The following LRRC37A2 variants were observed in gnomAD, a reference collection of about 807,000 sequenced individuals.
LRRC37A2 encodes leucine rich repeat containing 37 member A2.
In LRRC37A2, 9 loss-of-function variants were observed where a neutral mutation model predicts 68.8. The observed-to-expected ratio is 0.13, with a 90% CI of 0.08 to 0.23. The LOEUF (loss-of-function observed/expected upper bound fraction) is 0.23, where lower values mean the gene tolerates loss of function less well. Ranked by LOEUF, LRRC37A2 falls within the 10% of genes least tolerant of loss-of-function variation. LRRC37A2 has a pLI of 1.00. For synonymous variants in LRRC37A2, 63 were observed against 367.6 expected (o/e 0.17, Z 9.48); for missense variants, 168 against 950.4 (o/e 0.18, Z 10.82).
the LRRC37A2 span, among the ~76,000 whole-genome samples, chr17:46,982,681 C>T: frequency 6.6e-6 from 1 of 152,226 alleles, no homozygotes; most frequent in African/African-American, 2.4e-5. Flanking sequence ...TCTCTCCCAT[C>T]ATCCCTGGGG....
chr17:46,731,581 G>A, the LRRC37A2 span, among the ~76,000 whole-genome samples: 4 of 152,142 alleles, frequency 2.6e-5, no homozygotes, highest in African/African-American at 9.7e-5. Context: ...GAAGTGAGGG[G>A]TGAGCATCCA....
chr17:47,007,812 A>T, the LRRC37A2 span: 1 of 152,252 alleles, frequency 6.6e-6, no homozygotes, highest in South Asian at 2.1e-4. Context: ...AAATAATAAT[A>T]AAGCGAGATA....
the LRRC37A2 span, among the ~76,000 whole-genome samples, chr17:46,775,131 G>T: frequency 1.2e-3 from 180 of 152,336 alleles, no homozygotes; most frequent in African/African-American, 4.3e-3. Context: ...ACACAGGGCC[G>T]AGCCAAACAT....
chr17:46,735,353 A>G, the LRRC37A2 span, among the ~76,000 whole-genome samples: 1 of 152,130 alleles, frequency 6.6e-6, no homozygotes, highest in Non-Finnish European at 1.5e-5. Flanking sequence ...CTGTGGCATT[A>G]CATTAGCTTT....
the LRRC37A2 span, among the ~76,000 whole-genome samples, chr17:47,008,393 G>A: frequency 1.3e-5 from 2 of 151,844 alleles, no homozygotes; most frequent in East Asian, 3.9e-4. Flanking sequence ...TTACAGGTGT[G>A]AGCCACCACG....
chr17:46,750,118 C>T, the LRRC37A2 span, among the ~76,000 whole-genome samples: 6 of 152,222 alleles, frequency 3.9e-5, no homozygotes, highest in Middle Eastern at 3.4e-3. Context: ...TTTGGGAGGA[C>T]GGGGCAGGTG....
At chr17:47,022,163 G>GTTTTTTTTTTTTTT in the LRRC37A2 span, among the ~76,000 whole-genome samples, 1 of 19,364 alleles carries the variant, frequency 5.2e-5, no homozygotes. Flanking sequence ...ATTCCTTTTT[G>GTTTTTTTTTTTTTT]TTCTCTTTTT....
the LRRC37A2 span, among the ~76,000 whole-genome samples, chr17:46,945,115 G>T: frequency 6.6e-6 from 1 of 152,222 alleles, no homozygotes; most frequent in East Asian, 1.9e-4. Flanking sequence ...GAGGTGATGG[G>T]TGTGTGAAGG....
chr17:46,935,241 T>C, the LRRC37A2 span: 1 of 1,608,952 alleles, frequency 6.2e-7, no homozygotes, highest in Non-Finnish European at 8.5e-7. Flanking sequence ...GTAACTGTGT[T>C]TATATTTTGA....
At chr17:46,755,760 G>A in the LRRC37A2 span, 4 of 1,560,522 alleles carry the variant, frequency 2.6e-6, no homozygotes, top group East Asian at 9.0e-5. Flanking sequence ...GTTTTTTACG[G>A]ACCCTCATCT....
chr17:46,760,377 T>C, the LRRC37A2 span, among the ~76,000 whole-genome samples: 26 of 151,898 alleles, frequency 1.7e-4, 1 homozygote, highest in Non-Finnish European at 3.2e-4. Context: ...CTCATGCCTG[T>C]AGTCCCAATG....
the LRRC37A2 span, chr17:46,923,176 C>T: frequency 7.2e-6 from 11 of 1,519,584 alleles, no homozygotes; most frequent in South Asian, 4.8e-5. Flanking sequence ...GGAGCCGTGG[C>T]CTGCGGGGCC....
chr17:46,979,007 T>C, the LRRC37A2 span: 7 of 1,405,788 alleles, frequency 5.0e-6, no homozygotes, highest in Non-Finnish European at 5.5e-6. Context: ...GTCGCGTTCA[T>C]CGCCGCGCGG....
the LRRC37A2 span, among the ~76,000 whole-genome samples, chr17:46,904,218 A>G: frequency 3.5e-5 from 3 of 86,288 alleles, no homozygotes; most frequent in South Asian, 4.2e-4. Flanking sequence ...GTGGGTGGGA[A>G]GGTGGGTAGA....
the LRRC37A2 span, among the ~76,000 whole-genome samples, chr17:46,822,884 C>T: frequency 6.6e-6 from 1 of 151,726 alleles, no homozygotes; most frequent in Non-Finnish European, 1.5e-5. Context: ...ACCAGTTCTT[C>T]CTGGATCCCG....
At chr17:46,997,814 A>G in the LRRC37A2 span, among the ~76,000 whole-genome samples, 5 of 152,126 alleles carry the variant, frequency 3.3e-5, no homozygotes, top group Admixed American at 3.3e-4. Flanking sequence ...TATGAAAAAT[A>G]CAAAAATTTG....
the LRRC37A2 span, among the ~76,000 whole-genome samples, chr17:46,759,519 A>G: frequency 3.9e-5 from 6 of 152,222 alleles, no homozygotes; most frequent in African/African-American, 1.4e-4. Context: ...TATAAGATTA[A>G]TGGTAAGAAA....
At chr17:46,908,382 C>A in the LRRC37A2 span, among the ~76,000 whole-genome samples, 2 of 152,114 alleles carry the variant, frequency 1.3e-5, no homozygotes, top group African/African-American at 4.8e-5. Context: ...GCAAAATGAT[C>A]GCCATTAATG....
chr17:46,810,004 C>CTTTT, the LRRC37A2 span, among the ~76,000 whole-genome samples: 83 of 126,314 alleles, frequency 6.6e-4, no homozygotes, highest in Non-Finnish European at 8.7e-4. Flanking sequence ...TTCTTTCTTT[C>CTTTT]TTTTTTTTTT....
Sources: allele counts gnomAD v4.1 joint callset (sites outside exome capture counted in the v4.1 genomes callset), GRCh38; gene constraint gnomAD v4.1.1; transcripts MANE v1.5; gene names NCBI Gene and HGNC (gene_info 2026-07-23, HGNC 2026-07-21).